The following NAT8L variants were observed in gnomAD, a reference collection of about 807,000 sequenced individuals.
NAT8L encodes the protein N-acetylaspartate synthetase.
NAT8L carries 6 observed loss-of-function variants against 21.2 expected under a neutral mutation model. That is an observed-to-expected ratio of 0.28 (90% CI 0.16 to 0.56). NAT8L has a LOEUF of 0.56. Among genes scored for constraint, NAT8L ranks in the 20% least tolerant of loss-of-function variants. NAT8L has a pLI of 0.93. For missense variants in NAT8L, 331 were observed against 433.3 expected (o/e 0.76, Z 2.10); for synonymous variants, 239 against 204.9 (o/e 1.17, Z -1.42).
rs1729833965 is a variant in NAT8L at position 2,060,582 on chromosome 4, G to T, written c.377-416G>T. 6.6e-6 allele frequency among the ~76,000 whole-genome samples: 1 copy of T among 152,140 alleles called. No individual in the cohort carries two copies. Among genetic ancestry groups the T allele is most frequent in the Non-Finnish European group, 1.5e-5 (1 of 68,002 alleles). ...CTCTTGCTGGGGCCCTGGGAAGAGGGGGTCCTGGAGCCCGAGGCTGGAACG... is the reference window on the plus strand; with the variant it reads ...CTCTTGCTGGGGCCCTGGGAAGAGGTGGTCCTGGAGCCCGAGGCTGGAACG... On this transcript the variant is annotated intron_variant, in intron 1 of 2. Coordinates refer to ENST00000423729, the MANE Select transcript of NAT8L (RefSeq NM_178557.4). The surrounding 1 kb of genome is among the most constrained non-coding windows in gnomAD (Gnocchi z 4.7).
rs1577670964 is a variant in NAT8L, at chr4:2,068,546, T to G, written c.*4419T>G. The G allele has an allele frequency of 6.6e-6, 1 of 152,346 alleles. No individual in the cohort carries two copies. The highest frequency in any genetic ancestry group is 1.5e-5 in the Non-Finnish European group (1 of 68,156). The allele number at this position is 152,346 out of a possible 1,614,324, so 9.4% of individuals were successfully genotyped here. On this transcript the variant is annotated 3_prime_UTR_variant, in exon 3 of 3. Coordinates refer to ENST00000423729, the MANE Select transcript of NAT8L (RefSeq NM_178557.4). ...GGGCATGTATGCGTATGAGTACTTG[T>G]GTGTGGCTGGTGTATGGGTGAGCAT...
intron 2 of NAT8L, 148 bp downstream of exon 2, chr4:2,061,310 G>A (rs1276035693): frequency 1.6e-5 from 23 of 1,440,734 alleles, no homozygotes; most frequent in Non-Finnish European, 2.1e-5. Flanking sequence ...CTGGGTGACC[G>A]AGGCCTCCGG....
At chr4:2,061,670 T>C (rs1022424448) in intron 2 of NAT8L, among the ~76,000 whole-genome samples, 3 of 151,328 alleles carry the variant, frequency 2.0e-5, no homozygotes, top group African/African-American at 7.3e-5. Flanking sequence ...CCAGCCTCTG[T>C]GGCCTTCTAT....
At chr4:2,062,206 C>T (rs1729907301) in intron 2 of NAT8L, among the ~76,000 whole-genome samples, 1 of 152,172 alleles carries the variant, frequency 6.6e-6, no homozygotes, top group Non-Finnish European at 1.5e-5. Flanking sequence ...AGGAACACCC[C>T]ACGAGGGCAG....
At position 2,060,463 on chromosome 4, in the gene NAT8L, C is replaced by G. The variant is rs971990812; in HGVS notation, c.377-535C>G. Among the ~76,000 whole-genome samples, 4 of 152,206 alleles carry G rather than the reference C, an allele frequency of 2.6e-5. No homozygotes were observed. Among genetic ancestry groups the G allele is most frequent in the Non-Finnish European group, 4.4e-5 (3 of 68,018 alleles). On this transcript the variant is annotated intron_variant, in intron 1 of 2. Coordinates refer to ENST00000423729, the MANE Select transcript of NAT8L (RefSeq NM_178557.4). The surrounding 1 kb of genome is among the most constrained non-coding windows in gnomAD (Gnocchi z 4.7). ...CCGCGTAGGGAGGACGCGACTCCCCCAAGGTCACGGCAGCCGAAATGCGGC... is the reference window on the plus strand; with the variant it reads ...CCGCGTAGGGAGGACGCGACTCCCCGAAGGTCACGGCAGCCGAAATGCGGC...
intron 2 of NAT8L, among the ~76,000 whole-genome samples, chr4:2,061,573 G>A (rs1167802982): frequency 2.0e-5 from 3 of 152,148 alleles, no homozygotes; most frequent in Non-Finnish European, 2.9e-5. Flanking sequence ...GGGCACAGAG[G>A]ATGGGGTGGG....
At position 2,059,898 on chromosome 4, in the gene NAT8L, C is replaced by T. The variant is rs1278957986; in HGVS notation, c.376+11C>T. 4 of 1,276,930 alleles carry T rather than the reference C, an allele frequency of 3.1e-6. No homozygotes were observed. The highest frequency in any genetic ancestry group is 1.9e-5 in the South Asian group (1 of 53,628). 79.1% of individuals were successfully genotyped at this position (1,276,930 alleles called of 1,614,324 possible). ...ACGCCCTGCTGGCGGGTCAGTGCGC[C>T]GGGCCCCCGGCTGCCGCAGTCCCTC... On this transcript the variant is annotated intron_variant, in intron 1 of 2. Transcript: ENST00000423729. This position sits in a 1 kb window ranked among gnomAD's most constrained non-coding sequence, Gnocchi z 4.8.
intron 2 of NAT8L, among the ~76,000 whole-genome samples, chr4:2,062,492 G>GA (rs987027717): frequency 6.6e-6 from 1 of 151,932 alleles, no homozygotes; most frequent in Non-Finnish European, 1.5e-5. Flanking sequence ...TTGGGTGTGG[G>GA]AGACCCCAGG....
At position 2,059,371 on chromosome 4, in the gene NAT8L, T is replaced by C; in HGVS notation, c.-141T>C. ...GCCCGCCGCCTCCGCCCCGCGCCCC[T>C]GAGCTGCCGCCGCCGCCGCCGCCGC... On this transcript the variant is annotated 5_prime_UTR_variant, in exon 1 of 3. Transcript: ENST00000423729. This position sits in a 1 kb window ranked among gnomAD's most constrained non-coding sequence, Gnocchi z 4.8. 6.6e-6 allele frequency: 1 copy of C among 152,364 alleles called. No individual in the cohort carries two copies. Among genetic ancestry groups the C allele is most frequent in the Non-Finnish European group, 1.3e-5 (1 of 75,896 alleles). The allele number at this position is 152,364 out of a possible 1,614,324, so 9.4% of individuals were successfully genotyped here.
In NAT8L at chr4:2,061,104, G is replaced by A. The variant is rs781630013; in HGVS notation, c.483G>A (p.Leu161=). 3 of 1,611,356 alleles carry A rather than the reference G, an allele frequency of 1.9e-6. No homozygotes were observed. The highest frequency in any genetic ancestry group is 2.5e-6 in the Non-Finnish European group (3 of 1,179,228). ...GCCGCAAGGTGATCCGCGCCTACCT[G>A]GAGTGCGCGCTGCACACGGACATGG... ...YYSRKVIRAY[L]ECALHTDMAD... The change falls in exon 2 of 3, where the codon CTG becomes CTA. Residue 161 remains leucine (L), a synonymous_variant. Coordinates refer to ENST00000423729, the MANE Select transcript of NAT8L (RefSeq NM_178557.4).
Position 2,060,211 on chromosome 4 carries a change from G to A in NAT8L, c.376+324G>A, listed in dbSNP as rs1385427554. ...GGGCAGGTAGCGCCCGCCGCGGCTGGGCCCCGGCGAGTGCCTAAATATAAT... is the reference window on the plus strand; with the variant it reads ...GGGCAGGTAGCGCCCGCCGCGGCTGAGCCCCGGCGAGTGCCTAAATATAAT... On this transcript the variant is annotated intron_variant, in intron 1 of 2. Transcript: ENST00000423729. The surrounding 1 kb of genome is among the most constrained non-coding windows in gnomAD (Gnocchi z 4.7). Among the ~76,000 whole-genome samples the A allele has an allele frequency of 6.6e-6, 1 of 152,036 alleles. No homozygotes were observed. Among genetic ancestry groups the A allele is most frequent in the African/African-American group, 2.4e-5 (1 of 41,430 alleles).
In NAT8L at chr4:2,059,855, C is replaced by G. The variant is rs1410750110; in HGVS notation, c.344C>G (p.Pro115Arg). The G allele has an allele frequency of 1.5e-6, 2 of 1,378,986 alleles. No homozygotes were observed. The highest frequency in any genetic ancestry group is 1.9e-6 in the Non-Finnish European group (2 of 1,055,502). 85.4% of individuals were successfully genotyped at this position (1,378,986 alleles called of 1,614,324 possible). A position where few individuals can be genotyped will look rare whatever the true frequency, so the allele number is the denominator to read the frequency against. Residue 115 changes from proline to arginine, a missense_variant, in exon 1 of 3, where the codon CCG (proline) becomes CGG (arginine). Pro to Arg is a moderately radical substitution (Grantham distance 103, BLOSUM62 -2). Coordinates refer to ENST00000423729, the MANE Select transcript of NAT8L (RefSeq NM_178557.4). The surrounding 1 kb of genome is among the most constrained non-coding windows in gnomAD (Gnocchi z 4.8). Reference protein sequence around the residue: ...NTAFRGLRQHPRAQLLYALLA... With the variant: ...NTAFRGLRQHRRAQLLYALLA... ...GCCTTCCGCGGCCTGCGGCAGCACC[C>G]GCGCGCGCAGCTGCTCTACGCCCTG... is the stretch of plus-strand genomic sequence containing the variant.
rs990807859 is a variant in NAT8L, at chr4:2,067,355, C to G, written c.*3228C>G. The G allele has an allele frequency of 8.5e-5, 13 of 152,732 alleles. No homozygotes were observed. The highest frequency in any genetic ancestry group is 3.1e-4 in the African/African-American group (13 of 41,458). 9.5% of individuals were successfully genotyped at this position (152,732 alleles called of 1,614,324 possible). On this transcript the variant is annotated 3_prime_UTR_variant, in exon 3 of 3. Coordinates refer to ENST00000423729, the MANE Select transcript of NAT8L (RefSeq NM_178557.4). ...GTGGATGGCTGGCCCTGGGGGAAGG[C>G]TGGGCCTGGGAGGCCCTGTGGACAG...
Position 2,061,040 on chromosome 4 carries a change from T to G in NAT8L, c.419T>G (p.Leu140Arg). ...AVSRSLLLTC[L>R]VPAALLGLRY... ...AGCCGCTCGCTGCTGCTGACGTGCC[T>G]GGTGCCGGCCGCGCTGCTGGGCCTG... Residue 140 changes from leucine to arginine, a missense_variant, in exon 2 of 3, where the codon CTG (leucine) becomes CGG (arginine). Physicochemically the swap from Leu to Arg is moderately radical, Grantham distance 102. Around this residue, in one of 2 missense-constraint regions of NAT8L, gnomAD observed 199 missense variants for 196.1 expected, o/e 1.01. Transcript: ENST00000423729. The G allele has an allele frequency of 6.3e-7, 1 of 1,587,976 alleles. No individual in the cohort carries two copies. The highest frequency in any genetic ancestry group is 8.6e-7 in the Non-Finnish European group (1 of 1,168,632).
chr4:2,064,060 C>T lies in NAT8L; in HGVS notation c.842C>T (p.Ser281Leu), dbSNP rs1729944041. 6.2e-7 allele frequency: 1 copy of T among 1,610,068 alleles called. No homozygotes were observed. The highest frequency in any genetic ancestry group is 8.5e-7 in the Non-Finnish European group (1 of 1,179,302). The change falls in exon 3 of 3, where the codon TCG becomes TTG. Residue 281 changes from serine to leucine, a missense_variant. This residue lies in a region of NAT8L where 132 missense variants were observed against 237.1 expected (regional missense o/e 0.56). Transcript: ENST00000423729. ...TACGTGCTGCCGGGCATGACCCTCTCGCTGGCTGAGCGCCTCTTCTTCCAG... is the reference window on the plus strand; with the variant it reads ...TACGTGCTGCCGGGCATGACCCTCTTGCTGGCTGAGCGCCTCTTCTTCCAG... ...DHYVLPGMTL[S>L]LAERLFFQVR...
chr4:2,063,899 G>T lies in NAT8L; in HGVS notation c.681G>T (p.Ala227=), dbSNP rs138913660. ...TCCGAGGCAAGGGCATCGCCAAGGC[G>T]CTGGGCCGGAAGGTGCTGGAGTTCG... The part of the protein sequence containing the change: ...SRFRGKGIAK[A]LGRKVLEFAV... The change falls in exon 3 of 3, where the codon GCG becomes GCT. Residue 227 remains alanine (A), a synonymous_variant. Transcript: ENST00000423729. The T allele has an allele frequency of 1.9e-6, 3 of 1,612,242 alleles. No homozygotes were observed. Among genetic ancestry groups the T allele is most frequent in the South Asian group, 2.2e-5 (2 of 91,076 alleles).
Position 2,059,447 on chromosome 4 carries a change from C to A in NAT8L, c.-65C>A. The stretch of plus-strand genomic sequence containing the variant: ...GGTCCGAGGGCGCCGCGCCCTTGCC[C>A]TGGGCCCGGCCGTGCCCGCCGCCGC... On this transcript the variant is annotated 5_prime_UTR_variant, in exon 1 of 3. The change creates a new upstream start codon in the 5' untranslated region. Coordinates refer to ENST00000423729, the MANE Select transcript of NAT8L (RefSeq NM_178557.4). The surrounding 1 kb of genome is among the most constrained non-coding windows in gnomAD (Gnocchi z 4.8). 1.2e-6 allele frequency: 1 copy of A among 811,040 alleles called. No homozygotes were observed. Among genetic ancestry groups the A allele is most frequent in the Non-Finnish European group, 1.5e-6 (1 of 674,424 alleles). 50.2% of individuals were successfully genotyped at this position (811,040 alleles called of 1,614,324 possible).
intron 2 of NAT8L, among the ~76,000 whole-genome samples, chr4:2,063,346 G>C (rs1729928783): frequency 6.6e-6 from 1 of 152,264 alleles, no homozygotes; most frequent in African/African-American, 2.4e-5. Context: ...AAGGCATTTG[G>C]TCTGGGAGTA....
In NAT8L at chr4:2,060,570, C is replaced by G. The variant is rs942752596; in HGVS notation, c.377-428C>G. On this transcript the variant is annotated intron_variant, in intron 1 of 2. Coordinates refer to ENST00000423729, the MANE Select transcript of NAT8L (RefSeq NM_178557.4). This position sits in a 1 kb window ranked among gnomAD's most constrained non-coding sequence, Gnocchi z 4.7. ...GGCCAGGAAGGGCTCTTGCTGGGGC[C>G]CTGGGAAGAGGGGGTCCTGGAGCCC... Among the ~76,000 whole-genome samples, 5 of 152,146 alleles carry G rather than the reference C, an allele frequency of 3.3e-5. No individual in the cohort carries two copies. Among genetic ancestry groups the G allele is most frequent in the Admixed American group, 1.3e-4 (2 of 15,282 alleles).
Sources: gnomAD v4.1 joint callset for allele counts (sites outside exome capture counted in the v4.1 genomes callset) on GRCh38, gnomAD v4.1.1 for gene constraint, gnomAD v4.1.1 regional missense constraint, Gnocchi (gnomAD v3.1) non-coding constraint, MANE v1.5 for transcripts, NCBI Gene and HGNC (gene_info 2026-07-23, HGNC 2026-07-21) for gene names.